Variants in ARHGAP42 observed in about 807,000 individuals in gnomAD.
The protein encoded by ARHGAP42 is Rho GTPase activating protein 42.
In ARHGAP42, 63 loss-of-function variants were observed where a neutral mutation model predicts 125.0. The observed-to-expected ratio is 0.50, with a 90% CI of 0.41 to 0.62. The LOEUF is 0.62. Ranked by LOEUF, ARHGAP42 falls within the 20% of genes least tolerant of loss-of-function variation. The pLI is 0.00. For synonymous variants in ARHGAP42, 339 were observed against 351.0 expected (o/e 0.97, Z 0.38); for missense variants, 766 against 1,024.2 (o/e 0.75, Z 3.44).
At chr11:100,714,766 A>C (rs914760817) in intron 1 of ARHGAP42, among the ~76,000 whole-genome samples, 1 of 152,108 alleles carries the variant, frequency 6.6e-6, no homozygotes, top group Admixed American at 6.6e-5. Flanking sequence ...CACAGTGGTA[A>C]CGCCTATAAT....
At chr11:100,752,549 T>A (rs12801487) in intron 1 of ARHGAP42, among the ~76,000 whole-genome samples, 1 of 152,202 alleles carries the variant, frequency 6.6e-6, no homozygotes, top group Non-Finnish European at 1.5e-5. Flanking sequence ...ACTACTGTTG[T>A]TCCTCTTGGT....
At chr11:100,827,002 C>CTTTTTTTTTTTTTTTT (rs869260353) in intron 3 of ARHGAP42, among the ~76,000 whole-genome samples, 1 of 80,892 alleles carries the variant, frequency 1.2e-5, no homozygotes, top group African/African-American at 4.9e-5. Flanking sequence ...GCCTTACATC[C>CTTTTTTTTTTTTTTTT]TTTTTTTTTT....
chr11:100,936,333 G>GT lies in ARHGAP42; in HGVS notation c.832+2dup. The GT allele has an allele frequency of 6.4e-7, 1 of 1,551,434 alleles. No homozygotes were observed. The highest frequency in any genetic ancestry group is 8.7e-7 in the Non-Finnish European group (1 of 1,146,822). On this transcript the variant is annotated splice_donor_variant, in intron 8 of 23. Transcript: ENST00000298815. LOFTEE classifies it high-confidence loss of function. Reference sequence around the variant, plus strand: ...GGCTATCTGTATGTCCAGGAGAAACGTGAGTCACAAAGACATAATTTCACG... The same window carrying GT: ...GGCTATCTGTATGTCCAGGAGAAACGTTGAGTCACAAAGACATAATTTCACG...
intron 4 of ARHGAP42, among the ~76,000 whole-genome samples, chr11:100,910,403 T>A (rs1565271770): frequency 6.6e-6 from 1 of 152,230 alleles, no homozygotes; most frequent in Non-Finnish European, 1.5e-5. Context: ...AAATGATTAC[T>A]TAATTGAAAT....
chr11:100,916,225 A>G (rs1399484168), intron 5 of ARHGAP42, among the ~76,000 whole-genome samples: 1 of 152,236 alleles, frequency 6.6e-6, no homozygotes, highest in Non-Finnish European at 1.5e-5. Flanking sequence ...GAAAGGAGTA[A>G]TATTTGTTAT....
intron 1 of ARHGAP42, among the ~76,000 whole-genome samples, chr11:100,769,597 T>C (rs1422171427): frequency 6.6e-6 from 1 of 152,172 alleles, no homozygotes; most frequent in African/African-American, 2.4e-5. Flanking sequence ...CAGTAGTTTA[T>C]TGGTAAAAAC....
chr11:100,992,794 T>C lies in ARHGAP42; in HGVS notation c.*3993T>C. 1 of 1,385,838 alleles carries C rather than the reference T, an allele frequency of 7.2e-7. No homozygotes were observed. The highest frequency in any genetic ancestry group is 9.8e-7 in the Non-Finnish European group (1 of 1,018,774). 85.8% of individuals were successfully genotyped at this position (1,385,838 alleles called of 1,614,324 possible). On this transcript the variant is annotated 3_prime_UTR_variant, in exon 24 of 24. Coordinates refer to ENST00000298815, the MANE Select transcript of ARHGAP42 (RefSeq NM_152432.4). ...TTAAATAAAGAATCTTACATAAGAA[T>C]GTTGACAACATTCACAGTAAGCCAT...
intron 6 of ARHGAP42, among the ~76,000 whole-genome samples, chr11:100,926,720 A>G (rs1867435727): frequency 6.6e-6 from 1 of 152,206 alleles, no homozygotes; most frequent in Admixed American, 6.5e-5. Flanking sequence ...GTAATGCACA[A>G]AGCTCTTGTA....
At chr11:100,751,600 G>A (rs1862459530) in intron 1 of ARHGAP42, among the ~76,000 whole-genome samples, 1 of 151,656 alleles carries the variant, frequency 6.6e-6, no homozygotes, top group Non-Finnish European at 1.5e-5. Context: ...GTGGATGGAG[G>A]TCCCAGCCTT....
chr11:100,760,893 A>G (rs1008639369), intron 1 of ARHGAP42, among the ~76,000 whole-genome samples: 1 of 152,128 alleles, frequency 6.6e-6, no homozygotes, highest in African/African-American at 2.4e-5. Flanking sequence ...AGGTAATAAA[A>G]GGAGAAATGG....
intron 19 of ARHGAP42, 33 bp from the exon 20 acceptor site, chr11:100,976,024 G>A: frequency 6.8e-7 from 1 of 1,465,338 alleles, no homozygotes; most frequent in East Asian, 2.5e-5. Flanking sequence ...GATAGTTACA[G>A]TTGCTTTCAT....
intron 10 of ARHGAP42, among the ~76,000 whole-genome samples, chr11:100,946,969 T>A (rs1868038188): frequency 6.6e-6 from 1 of 151,630 alleles, no homozygotes; most frequent in Non-Finnish European, 1.5e-5. Flanking sequence ...CTGTATCTAG[T>A]AGGGCAATGA....
chr11:100,945,172 A>G (rs1276789530), intron 10 of ARHGAP42, among the ~76,000 whole-genome samples: 1 of 152,066 alleles, frequency 6.6e-6, no homozygotes, highest in Non-Finnish European at 1.5e-5. Context: ...ATAAGAAGCA[A>G]CTAGTCCTTT....
Position 100,992,390 on chromosome 11 carries a change from C to A in ARHGAP42, c.*3589C>A, listed in dbSNP as rs1225200688. The A allele has an allele frequency of 6.2e-7, 1 of 1,614,048 alleles. No individual in the cohort carries two copies. The highest frequency in any genetic ancestry group is 8.5e-7 in the Non-Finnish European group (1 of 1,179,952). ...AAAAGAACACAGGCTTGACTATTGT[C>A]CAGAAGTTACTTTCCCCTTGACTAA... is the stretch of plus-strand genomic sequence containing the variant. On this transcript the variant is annotated 3_prime_UTR_variant, in exon 24 of 24. Transcript: ENST00000298815.
intron 2 of ARHGAP42, among the ~76,000 whole-genome samples, chr11:100,779,581 C>CGTATACATACGTATATATACGTAT (rs376743683): frequency 2.2e-5 from 1 of 46,326 alleles, no homozygotes; most frequent in Non-Finnish European, 5.5e-5. Flanking sequence ...CGTATATATA[C>CGTATACATACGTATATATACGTAT]ATATATACGT....
rs1471807440 is a variant in ARHGAP42 at position 100,948,464 on chromosome 11, A to T, written c.1051A>T (p.Ile351Phe). The T allele has an allele frequency of 2.6e-6, 4 of 1,547,270 alleles. No homozygotes were observed. The highest frequency in any genetic ancestry group is 3.5e-6 in the Non-Finnish European group (4 of 1,144,486). Residue 351 changes from isoleucine to phenylalanine, a missense_variant, in exon 11 of 24, where the codon ATC becomes TTC. Ile to Phe is a conservative substitution (Grantham distance 21, BLOSUM62 0). Transcript: ENST00000298815. ...FDIEVVERHG[I>F]ITLQAFSEAN... ...ATATTTGTTTTTAAATAGGCATGGG[A>T]TCATCACGTTACAGGCCTTCTCAGA...
intron 8 of ARHGAP42, 100 bp from the exon 9 acceptor site, chr11:100,941,684 A>C: frequency 9.2e-6 from 6 of 649,394 alleles, no homozygotes; most frequent in East Asian, 6.0e-5. Context: ...ATGGTATAGG[A>C]GAGATAATCG....
At chr11:100,834,842 CTT>C (rs796992628) in intron 3 of ARHGAP42, among the ~76,000 whole-genome samples, 2 of 130,854 alleles carry the variant, frequency 1.5e-5, no homozygotes, top group African/African-American at 2.8e-5. Context: ...CTTCTGAGTC[CTT>C]TTTTTTTTTT....
chr11:100,700,455 C>T (rs1861378287), intron 1 of ARHGAP42, among the ~76,000 whole-genome samples: 1 of 152,210 alleles, frequency 6.6e-6, no homozygotes, highest in African/African-American at 2.4e-5. Context: ...TGTTTGATAG[C>T]ATTCACCCAT....
Sources: allele counts gnomAD v4.1 joint callset (sites outside exome capture counted in the v4.1 genomes callset), GRCh38; gene constraint gnomAD v4.1.1; transcripts MANE v1.5; gene names NCBI Gene and HGNC (gene_info 2026-07-23, HGNC 2026-07-21).